The following C13orf42 variants were observed in gnomAD, a reference collection of about 807,000 sequenced individuals.
The protein encoded by C13orf42 is chromosome 13 open reading frame 42.
chr13:51,129,045 C>A (rs1211802228), intron 1 of C13orf42, among the ~76,000 whole-genome samples: 1 of 152,188 alleles, frequency 6.6e-6, no homozygotes, highest in African/African-American at 2.4e-5. Context: ...GACTGGGGTA[C>A]CTGAGCTTTA....
chr13:51,132,438 A>C (rs558467107), intron 1 of C13orf42, among the ~76,000 whole-genome samples: 113 of 151,986 alleles, frequency 7.4e-4, no homozygotes, highest in African/African-American at 2.6e-3. Flanking sequence ...TCAAAAACAA[A>C]AAAAAAAAAG....
intron 1 of C13orf42, among the ~76,000 whole-genome samples, chr13:51,156,406 G>A (rs1953824642): frequency 6.6e-6 from 1 of 152,178 alleles, no homozygotes; most frequent in African/African-American, 2.4e-5. Flanking sequence ...ATACATAGCT[G>A]CCACTACGCC....
At chr13:51,092,197 T>C (rs1419190007) in intron 1 of C13orf42, among the ~76,000 whole-genome samples, 2 of 152,318 alleles carry the variant, frequency 1.3e-5, no homozygotes, top group South Asian at 2.1e-4. Context: ...GGGGGATAAA[T>C]TACCTGTTCC....
intron 1 of C13orf42, 134 bp from the exon 2 acceptor site, chr13:51,088,209 A>T (rs911242371): frequency 2.5e-6 from 1 of 394,472 alleles, no homozygotes; most frequent in Non-Finnish European, 4.5e-6. Flanking sequence ...AACTATGAAT[A>T]AGTGCCCTGT....
At position 51,142,640 on chromosome 13, in the gene C13orf42, T is replaced by TAAA. The variant is rs34049676; in HGVS notation, n.137-29421_137-29419dup. 2.9e-3 allele frequency among the ~76,000 whole-genome samples: 427 copies of TAAA among 147,770 alleles called. 3 individuals are homozygous for TAAA. Among genetic ancestry groups the TAAA allele is most frequent in the Admixed American group, 6.6e-3 (98 of 14,894 alleles). ...AGAAAAAGAAGTGTGTCCTTTTTTA[T>TAAA]AAAAAAAAAGTGAACAAGTTTTGCC... On this transcript the variant is annotated intron_variant and non_coding_transcript_variant, in intron 1 of 4. Coordinates refer to the C13orf42 transcript ENST00000433280.
In C13orf42 at chr13:51,163,430, GA is replaced by G. The variant is rs1358016316; in HGVS notation, n.136+8822del. ...GCACGATGTCCCAGAGGTCAAAGAA[GA>G]GACCCAGGGCCAACAAAGGAGACCC... is the stretch of plus-strand genomic sequence containing the variant. On this transcript the variant is annotated intron_variant and non_coding_transcript_variant, in intron 1 of 4. Transcript: ENST00000433280. Among the ~76,000 whole-genome samples, 11 of 152,248 alleles carry G rather than the reference GA, an allele frequency of 7.2e-5. No individual in the cohort carries two copies. In the South Asian group the frequency reaches 2.3e-3, roughly 32 times the overall value.
At chr13:51,145,180 C>T (rs1474620043) in intron 1 of C13orf42, among the ~76,000 whole-genome samples, 1 of 152,078 alleles carries the variant, frequency 6.6e-6, no homozygotes, top group African/African-American at 2.4e-5. Flanking sequence ...TCACTGAAAA[C>T]TAAGCTGTGC....
intron 2 of C13orf42, among the ~76,000 whole-genome samples, chr13:51,086,306 A>C (rs1442308808): frequency 3.0e-5 from 4 of 131,842 alleles, no homozygotes; most frequent in Non-Finnish European, 4.6e-5. Context: ...ACTCCGTCTC[A>C]AAAAAAAAAA....
intron 1 of C13orf42, among the ~76,000 whole-genome samples, chr13:51,117,554 G>T (rs1953501428): frequency 6.6e-6 from 1 of 152,164 alleles, no homozygotes; most frequent in Non-Finnish European, 1.5e-5. Context: ...GAAAAATTGA[G>T]TGTGAATTTC....
At chr13:51,158,153 T>C (rs187378590) in intron 1 of C13orf42, among the ~76,000 whole-genome samples, 144 of 152,310 alleles carry the variant, frequency 9.5e-4, no homozygotes, top group South Asian at 1.2e-3. Context: ...ACCAGTTAAG[T>C]AAATTGCCAA....
At chr13:51,146,367 T>C (rs1953735612) in intron 1 of C13orf42, among the ~76,000 whole-genome samples, 1 of 152,124 alleles carries the variant, frequency 6.6e-6, no homozygotes. Context: ...AACAAGCCTG[T>C]TGTGTCCCCT....
intron 1 of C13orf42, among the ~76,000 whole-genome samples, chr13:51,147,745 G>GGGGT (rs1333255932): frequency 2.1e-5 from 1 of 48,186 alleles, no homozygotes; most frequent in Non-Finnish European, 4.3e-5. Context: ...AAACAACGAA[G>GGGGT]GGGTGGATTT....
intron 1 of C13orf42, among the ~76,000 whole-genome samples, chr13:51,126,161 A>G (rs562270733): frequency 6.6e-6 from 1 of 152,360 alleles, no homozygotes; most frequent in African/African-American, 2.4e-5. Context: ...TTTGTTTAAC[A>G]TGCATTGAGC....
At chr13:51,106,123 G>A (rs1187732536) in intron 1 of C13orf42, among the ~76,000 whole-genome samples, 2 of 152,192 alleles carry the variant, frequency 1.3e-5, no homozygotes, top group Non-Finnish European at 2.9e-5. Context: ...CAGAGACCTA[G>A]AGTAAAACTG....
At chr13:51,140,363 C>T (rs1953686991) in intron 1 of C13orf42, among the ~76,000 whole-genome samples, 1 of 152,182 alleles carries the variant, frequency 6.6e-6, no homozygotes, top group Non-Finnish European at 1.5e-5. Context: ...GTCAGGACTT[C>T]CTGAGGCTGT....
intron 1 of C13orf42, among the ~76,000 whole-genome samples, chr13:51,101,076 A>C (rs1000943656): frequency 8.5e-5 from 13 of 152,204 alleles, no homozygotes; most frequent in African/African-American, 3.1e-4. Context: ...TTAACAAATT[A>C]AAATAAAGCA....
chr13:51,130,862 A>AATAT (rs1054865589), intron 1 of C13orf42, among the ~76,000 whole-genome samples: 3 of 148,170 alleles, frequency 2.0e-5, no homozygotes, highest in East Asian at 1.9e-4. Context: ...GTAAAAAAAA[A>AATAT]ATATATATAT....
intron 1 of C13orf42, among the ~76,000 whole-genome samples, chr13:51,143,845 G>C (rs1030464080): frequency 3.3e-5 from 5 of 152,086 alleles, no homozygotes; most frequent in Non-Finnish European, 7.4e-5. Flanking sequence ...GGGAAGCATT[G>C]TCAAATACAA....
chr13:51,139,935 T>G lies in C13orf42; in HGVS notation n.137-26713A>C, dbSNP rs528356992. On this transcript the variant is annotated intron_variant and non_coding_transcript_variant, in intron 1 of 4. Coordinates refer to the C13orf42 transcript ENST00000433280. Reference sequence around the variant, plus strand: ...TGGATTCACCTTGATTTCTTTGTTGTGTGAGATCCAAGAACCCTCTCTTGG... The same window carrying G: ...TGGATTCACCTTGATTTCTTTGTTGGGTGAGATCCAAGAACCCTCTCTTGG... Among the ~76,000 whole-genome samples the G allele has an allele frequency of 7.2e-5, 11 of 152,328 alleles. No homozygotes were observed. In the East Asian group the frequency reaches 1.9e-3, roughly 27 times the overall value.
Sources: allele counts gnomAD v4.1 joint callset (sites outside exome capture counted in the v4.1 genomes callset), GRCh38; gene constraint gnomAD v4.1.1; transcripts MANE v1.5; gene names NCBI Gene and HGNC (gene_info 2026-07-23, HGNC 2026-07-21).